The following BORCS5 variants were observed in gnomAD, a reference collection of about 807,000 sequenced individuals.
BORCS5 encodes the protein BLOC-1-related complex subunit 5.
In BORCS5, 17 loss-of-function variants were observed where a neutral mutation model predicts 22.1. That is an observed-to-expected ratio of 0.77 (90% CI 0.53 to 1.15). The LOEUF is 1.15. Among genes scored for constraint, BORCS5 ranks in the 50% most tolerant of loss-of-function variants. BORCS5 has a pLI of 0.00. For synonymous variants in BORCS5, 117 were observed against 99.8 expected, an observed-to-expected ratio of 1.17 and a Z score of -1.03; for missense variants, 247 against 253.2, an observed-to-expected ratio of 0.98 and a Z score of 0.17.
At chr12:12,413,142 G>C (rs1409271904) in intron 2 of BORCS5, among the ~76,000 whole-genome samples, 1 of 69,836 alleles carries the variant, frequency 1.4e-5, no homozygotes, top group Non-Finnish European at 2.8e-5. Flanking sequence ...ATCATTCTTG[G>C]GTGTTTCTCG....
intron 2 of BORCS5, among the ~76,000 whole-genome samples, chr12:12,430,304 C>T (rs978515330): frequency 6.6e-6 from 1 of 152,000 alleles, no homozygotes; most frequent in Non-Finnish European, 1.5e-5. Context: ...GCGCCTGCCA[C>T]CACGCCTGGC....
At position 12,465,470 on chromosome 12, in the gene BORCS5, C is replaced by T. The variant is rs1943183049; in HGVS notation, c.361-76C>T. On this transcript the variant is annotated intron_variant, in intron 3 of 3. Coordinates refer to ENST00000314565, the MANE Select transcript of BORCS5 (RefSeq NM_058169.6). ...ACTGGATCTGCGGGACTGTGTCCCT[C>T]ACAGGCTGGACACCCGGCCCTGCGG... The T allele has an allele frequency of 5.3e-6, 7 of 1,309,288 alleles. No homozygotes were observed. The South Asian group carries it at 9.1e-5, about 17-fold the overall frequency. 81.1% of individuals were successfully genotyped at this position (1,309,288 alleles called of 1,614,324 possible). A position where few individuals can be genotyped will look rare whatever the true frequency, so the allele number is the denominator to read the frequency against.
intron 2 of BORCS5, among the ~76,000 whole-genome samples, chr12:12,369,815 C>T (rs1185429725): frequency 1.4e-5 from 2 of 143,986 alleles, no homozygotes; most frequent in African/African-American, 5.2e-5. Context: ...ACCTCTGCCT[C>T]TCCAGTTCAA....
Position 12,466,837 on chromosome 12 carries a change from GGT to G in BORCS5, c.*1066_*1067del, listed in dbSNP as rs1438235406. 10 of 152,192 alleles carry G rather than the reference GGT, an allele frequency of 6.6e-5. No homozygotes were observed. Among genetic ancestry groups the G allele is most frequent in the Admixed American group, 5.9e-4 (9 of 15,278 alleles). 9.4% of individuals were successfully genotyped at this position (152,192 alleles called of 1,614,324 possible). ...CCCTAAGTTCCTGCAAGCGTCGGGA[GGT>G]GTGTTTTCAGATACCAGAAAGAGCC... is the stretch of plus-strand genomic sequence containing the variant. On this transcript the variant is annotated 3_prime_UTR_variant, in exon 4 of 4. Transcript: ENST00000314565.
rs1863160913 is a variant in BORCS5 at position 12,357,268 on chromosome 12, T to G, written c.-184T>G. The G allele has an allele frequency of 6.2e-6, 9 of 1,459,306 alleles. No homozygotes were observed. The highest frequency in any genetic ancestry group is 6.3e-6 in the Non-Finnish European group (7 of 1,107,670). The allele number at this position is 1,459,306 out of a possible 1,614,324, so 90.4% of individuals were successfully genotyped here. ...GTTTCTGTTCCCCAAATAGGGCCTC[T>G]CCTTCTCCCGCCGCCCAGGCCCCTG... On this transcript the variant is annotated 5_prime_UTR_variant, in exon 1 of 4. Coordinates refer to ENST00000314565, the MANE Select transcript of BORCS5 (RefSeq NM_058169.6).
At position 12,357,205 on chromosome 12, in the gene BORCS5, G is replaced by T. The variant is rs1333960242; in HGVS notation, c.-247G>T. ...TTCTCTTAGGGCTCCCGGAAAGAAG[G>T]AGGGCTAGCCGCGTGCGTTCGCGCC... On this transcript the variant is annotated 5_prime_UTR_variant, in exon 1 of 4. Coordinates refer to ENST00000314565, the MANE Select transcript of BORCS5 (RefSeq NM_058169.6). 6.6e-7 allele frequency: 1 copy of T among 1,508,224 alleles called. No individual in the cohort carries two copies. The highest frequency in any genetic ancestry group is 1.4e-5 in the African/African-American group (1 of 71,978). The allele number at this position is 1,508,224 out of a possible 1,614,324, so 93.4% of individuals were successfully genotyped here.
At chr12:12,461,032 T>TC (rs1943094167) in intron 3 of BORCS5, among the ~76,000 whole-genome samples, 1 of 152,288 alleles carries the variant, frequency 6.6e-6, no homozygotes, top group Admixed American at 6.5e-5. Context: ...TCAAATAACC[T>TC]CCCCTTCTTT....
At chr12:12,463,655 A>C (rs1296108631) in intron 3 of BORCS5, among the ~76,000 whole-genome samples, 1 of 152,184 alleles carries the variant, frequency 6.6e-6, no homozygotes, top group Non-Finnish European at 1.5e-5. Flanking sequence ...GTTTGAACTC[A>C]GTGTGCTCAT....
chr12:12,378,596 AT>A (rs962030855), intron 2 of BORCS5, among the ~76,000 whole-genome samples: 3 of 151,810 alleles, frequency 2.0e-5, no homozygotes, highest in Admixed American at 1.3e-4. Flanking sequence ...CAATTGAAGA[AT>A]TATCACAGAT....
intron 1 of BORCS5, 23 bp from the exon 2 acceptor site, chr12:12,361,183 A>G (rs778589574): frequency 5.0e-6 from 8 of 1,611,550 alleles, no homozygotes; most frequent in Non-Finnish European, 6.8e-6. Context: ...TGCATCTCCT[A>G]AGCAGTGTAA....
Position 12,361,211 on chromosome 12 carries a change from C to A in BORCS5, c.64C>A (p.Pro22Thr), listed in dbSNP as rs140151931. Residue 22 changes from proline (P) to threonine (T), a missense_variant, in exon 2 of 4, where the codon CCT becomes ACT. Physicochemically the swap from Pro to Thr is conservative, Grantham distance 38 (BLOSUM62 -1). Coordinates refer to ENST00000314565, the MANE Select transcript of BORCS5 (RefSeq NM_058169.6). ...CAGTGTAACTTTATTTTCAGTGACT[C>A]CTTCACCAGCCAAGCATAGAGCCAA... The part of the protein sequence containing the change: ...RPNDLNSSVT[P>T]SPAKHRAKMD... 1.9e-5 allele frequency: 30 copies of A among 1,613,886 alleles called. No individual in the cohort carries two copies. In the African/African-American group the frequency reaches 4.0e-4, roughly 22 times the overall value.
chr12:12,410,116 C>A (rs1941692105), intron 2 of BORCS5, among the ~76,000 whole-genome samples: 1 of 152,104 alleles, frequency 6.6e-6, no homozygotes, highest in South Asian at 2.1e-4. Flanking sequence ...ATTGTAGATT[C>A]TGGATATTAG....
At chr12:12,375,658 C>T (rs7313505) in intron 2 of BORCS5, among the ~76,000 whole-genome samples, 3,752 of 152,094 alleles carry the variant, frequency 0.025, 166 homozygotes, top group African/African-American at 0.086. Flanking sequence ...TATTTAATAA[C>T]GTTTAAATAT....
intron 2 of BORCS5, among the ~76,000 whole-genome samples, chr12:12,365,865 C>G (rs1030071742): frequency 2.0e-5 from 3 of 152,128 alleles, no homozygotes; most frequent in Non-Finnish European, 4.4e-5. Flanking sequence ...AAGATTGCAT[C>G]AGGACATAGA....
chr12:12,402,636 C>A (rs1592090055), intron 2 of BORCS5, among the ~76,000 whole-genome samples: 1 of 152,316 alleles, frequency 6.6e-6, no homozygotes, highest in Non-Finnish European at 1.5e-5. Flanking sequence ...ATAAGGAAAT[C>A]TGCTCTGTTA....
Position 12,371,333 on chromosome 12 carries a change from C to T in BORCS5, c.202+9984C>T, listed in dbSNP as rs945421052. On this transcript the variant is annotated intron_variant, in intron 2 of 3. Transcript: ENST00000314565. ...TTGGCAACACGATCTTGCCCTTTCA[C>T]CCTGGCTGGAGTGCAGTGGCACAAT... Among the ~76,000 whole-genome samples, 3 of 152,192 alleles carry T rather than the reference C, an allele frequency of 2.0e-5. No homozygotes were observed. In the East Asian group the frequency reaches 5.8e-4, roughly 29 times the overall value.
chr12:12,466,026 A>C lies in BORCS5; in HGVS notation c.*250A>C. ...AAGCTGGAACGTGTGAATTATTAGG[A>C]ATTCTTTGAAGAACTCTGCATTGAG... is the stretch of plus-strand genomic sequence containing the variant. On this transcript the variant is annotated 3_prime_UTR_variant, in exon 4 of 4. Coordinates refer to ENST00000314565, the MANE Select transcript of BORCS5 (RefSeq NM_058169.6). 4.3e-6 allele frequency: 2 copies of C among 461,328 alleles called. No individual in the cohort carries two copies. Among genetic ancestry groups the C allele is most frequent in the Non-Finnish European group, 3.8e-6 (1 of 261,192 alleles). The allele number at this position is 461,328 out of a possible 1,614,324, so 28.6% of individuals were successfully genotyped here.
At chr12:12,401,475 G>A (rs935484334) in intron 2 of BORCS5, among the ~76,000 whole-genome samples, 6 of 151,990 alleles carry the variant, frequency 3.9e-5, no homozygotes, top group Non-Finnish European at 8.8e-5. Flanking sequence ...ACAAATCCAA[G>A]ATAACTATAA....
At chr12:12,389,459 A>AGAGG (rs1863954045) in intron 2 of BORCS5, among the ~76,000 whole-genome samples, 3 of 151,014 alleles carry the variant, frequency 2.0e-5, no homozygotes, top group Admixed American at 1.3e-4. Flanking sequence ...TTTTTAATGC[A>AGAGG]CATTTACAAT....
Sources: allele counts gnomAD v4.1 joint callset (sites outside exome capture counted in the v4.1 genomes callset), GRCh38; gene constraint gnomAD v4.1.1; transcripts MANE v1.5; gene names NCBI Gene and HGNC (gene_info 2026-07-23, HGNC 2026-07-21).